The following SIPA1L3 variants were observed in gnomAD, a reference collection of about 807,000 sequenced individuals.
The protein encoded by SIPA1L3 is signal induced proliferation associated 1 like 3.
In SIPA1L3, 59 loss-of-function variants were observed where a neutral mutation model predicts 150.1. The observed-to-expected ratio is 0.39, with a 90% CI of 0.32 to 0.49. The LOEUF is 0.49. Ranked by LOEUF, SIPA1L3 falls within the 20% of genes least tolerant of loss-of-function variation. SIPA1L3 has a pLI of 0.86. For synonymous variants in SIPA1L3, 1,070 were observed against 1,077.6 expected, an observed-to-expected ratio of 0.99 and a Z score of 0.14; for missense variants, 2,211 against 2,489.5, an observed-to-expected ratio of 0.89 and a Z score of 2.38.
intron 1 of SIPA1L3, among the ~76,000 whole-genome samples, chr19:37,930,149 C>T (rs542560830): frequency 1.2e-4 from 19 of 152,044 alleles, no homozygotes; most frequent in Middle Eastern, 3.4e-3. Context: ...CTCAGCCTCC[C>T]GAGTAGCTGG....
intron 2 of SIPA1L3, among the ~76,000 whole-genome samples, chr19:38,043,211 A>G (rs1364183243): frequency 6.6e-6 from 1 of 152,140 alleles, no homozygotes; most frequent in Non-Finnish European, 1.5e-5. Flanking sequence ...ATGGTGGTGC[A>G]TACCTGTAAT....
chr19:37,992,336 A>C (rs1478699734), intron 1 of SIPA1L3, among the ~76,000 whole-genome samples: 2 of 152,222 alleles, frequency 1.3e-5, no homozygotes, highest in African/African-American at 4.8e-5. Context: ...GCAGTCAGGC[A>C]AGGAGGAACT....
chr19:37,930,223 G>T (rs1178719831), intron 1 of SIPA1L3, among the ~76,000 whole-genome samples: 1 of 151,736 alleles, frequency 6.6e-6, no homozygotes, highest in Non-Finnish European at 1.5e-5. Flanking sequence ...GGGTTTCACT[G>T]TGTTAGTCTC....
At chr19:37,956,446 T>A (rs1046080727) in intron 1 of SIPA1L3, among the ~76,000 whole-genome samples, 2 of 152,040 alleles carry the variant, frequency 1.3e-5, no homozygotes, top group Non-Finnish European at 2.9e-5. Context: ...CAGAAAATAT[T>A]TTTATTTTTT....
In SIPA1L3 at chr19:38,081,922, C is replaced by T. The variant is rs1387775413; in HGVS notation, c.357C>T (p.Ser119=). The T allele has an allele frequency of 6.2e-7, 1 of 1,614,206 alleles. No homozygotes were observed. Among genetic ancestry groups the T allele is most frequent in the African/African-American group, 1.3e-5 (1 of 75,078 alleles). Residue 119 remains serine (S), a synonymous_variant, in exon 3 of 22, where the codon AGC becomes AGT. Coordinates refer to ENST00000222345, the MANE Select transcript of SIPA1L3 (RefSeq NM_015073.3). ...KATKMAHSMR[S]IQNGQPPTST... ...CCAAGATGGCCCATTCCATGAGGAG[C>T]ATACAGAACGGACAGCCCCCCACCA...
At chr19:38,132,928 G>T (rs899472576) in intron 10 of SIPA1L3, among the ~76,000 whole-genome samples, 3 of 152,188 alleles carry the variant, frequency 2.0e-5, no homozygotes, top group Middle Eastern at 3.2e-3. Flanking sequence ...GATTACAGAT[G>T]TGAGCCACCG....
intron 2 of SIPA1L3, among the ~76,000 whole-genome samples, chr19:38,046,000 A>T (rs1969048364): frequency 6.6e-6 from 1 of 152,108 alleles, no homozygotes; most frequent in Non-Finnish European, 1.5e-5. Context: ...TCAAGCCTTG[A>T]TGTCCTGACA....
intron 1 of SIPA1L3, among the ~76,000 whole-genome samples, chr19:37,946,497 A>G (rs2046713472): frequency 6.6e-6 from 1 of 152,180 alleles, no homozygotes; most frequent in Non-Finnish European, 1.5e-5. Flanking sequence ...AATAATTTAC[A>G]TTTATTTGAT....
At chr19:38,182,778 C>T (rs759445149) in intron 16 of SIPA1L3, 38 bp downstream of exon 16, 5 of 1,523,714 alleles carry the variant, frequency 3.3e-6, no homozygotes, top group Non-Finnish European at 4.5e-6. Context: ...CCCGCCAGAT[C>T]CACACCAGGG....
chr19:38,188,266 G>T lies in SIPA1L3; in HGVS notation c.4431-3879G>T, dbSNP rs560006100. 1.5e-3 allele frequency among the ~76,000 whole-genome samples: 229 copies of T among 151,892 alleles called. 2 individuals carry two copies. Among genetic ancestry groups the T allele is most frequent in the African/African-American group, 5.4e-3 (224 of 41,370 alleles). ...AGTGGCATGATCACAGCTCACTGCA[G>T]CCTCTGCCTCCTGGTACAAGTGATT... is the stretch of plus-strand genomic sequence containing the variant. On this transcript the variant is annotated intron_variant, in intron 16 of 21. Transcript: ENST00000222345.
intron 1 of SIPA1L3, among the ~76,000 whole-genome samples, chr19:37,940,369 C>G (rs1265773546): frequency 6.6e-6 from 1 of 151,854 alleles, no homozygotes; most frequent in Admixed American, 6.6e-5. Context: ...CTATATCCAC[C>G]ACCACCCACC....
intron 2 of SIPA1L3, among the ~76,000 whole-genome samples, chr19:38,038,516 A>G (rs1429776323): frequency 1.3e-5 from 2 of 148,622 alleles, no homozygotes; most frequent in Non-Finnish European, 3.0e-5. Context: ...GCTTGAACTC[A>G]GGAGGCAGAG....
chr19:37,990,463 A>T (rs1237388242), intron 1 of SIPA1L3, among the ~76,000 whole-genome samples: 1 of 152,138 alleles, frequency 6.6e-6, no homozygotes, highest in Non-Finnish European at 1.5e-5. Flanking sequence ...GCCAGGTCCG[A>T]TGGGATCTGG....
chr19:38,186,179 A>T, intron 16 of SIPA1L3: 1 of 152,228 alleles, frequency 6.6e-6, no homozygotes, highest in East Asian at 1.9e-4. Context: ...CCAGTGATGA[A>T]ATCCAGAGAT....
At chr19:37,998,431 C>T (rs1446374909) in intron 1 of SIPA1L3, among the ~76,000 whole-genome samples, 1 of 152,104 alleles carries the variant, frequency 6.6e-6, no homozygotes, top group African/African-American at 2.4e-5. Flanking sequence ...CCATGTTTTT[C>T]AGAGCTGCAA....
At chr19:38,101,665 C>T (rs1351210622) in intron 6 of SIPA1L3, among the ~76,000 whole-genome samples, 2 of 152,194 alleles carry the variant, frequency 1.3e-5, no homozygotes, top group Non-Finnish European at 2.9e-5. Flanking sequence ...CCCACCTCAG[C>T]CTCTCAAAGT....
intron 2 of SIPA1L3, among the ~76,000 whole-genome samples, chr19:38,050,660 T>C (rs1283671891): frequency 6.6e-6 from 1 of 152,206 alleles, no homozygotes; most frequent in East Asian, 1.9e-4. Context: ...AGAGACAATA[T>C]AGTCAAAGTT....
intron 4 of SIPA1L3, among the ~76,000 whole-genome samples, chr19:38,089,833 T>C (rs572763328): frequency 6.6e-6 from 1 of 152,308 alleles, no homozygotes; most frequent in Non-Finnish European, 1.5e-5. Flanking sequence ...TAACTGCAAA[T>C]CTAGGGGTAG....
At chr19:37,915,483 G>A (rs915680300) in intron 1 of SIPA1L3, among the ~76,000 whole-genome samples, 3 of 152,012 alleles carry the variant, frequency 2.0e-5, no homozygotes, top group Non-Finnish European at 4.4e-5. Flanking sequence ...CTGGGTTCAA[G>A]CGATTCTCCT....
Sources: gnomAD v4.1 joint callset for allele counts (sites outside exome capture counted in the v4.1 genomes callset) on GRCh38, gnomAD v4.1.1 for gene constraint, MANE v1.5 for transcripts, NCBI Gene and HGNC (gene_info 2026-07-23, HGNC 2026-07-21) for gene names.